The following TGM2 variants were observed in gnomAD, a reference collection of about 807,000 sequenced individuals.
TGM2 encodes protein-glutamine gamma-glutamyltransferase 2.
Under a neutral mutation model 75.6 loss-of-function variants are expected in TGM2, and 53 were observed. That is an observed-to-expected ratio of 0.70 (90% CI 0.56 to 0.88). TGM2 has a LOEUF of 0.88. Ranked by LOEUF, TGM2 falls within the 40% of genes least tolerant of loss-of-function variation. TGM2 has a pLI of 0.00. For synonymous variants in TGM2, 374 were observed against 381.1 expected, an observed-to-expected ratio of 0.98 and a Z score of 0.22; for missense variants, 842 against 928.5, an observed-to-expected ratio of 0.91 and a Z score of 1.21.
rs1386256065 is a variant in TGM2, at chr20:38,138,234, G to A, written c.1494C>T (p.Asn498=). 1 of 1,613,354 alleles carries A rather than the reference G, an allele frequency of 6.2e-7. No individual in the cohort carries two copies. Among genetic ancestry groups the A allele is most frequent in the Admixed American group, 1.7e-5 (1 of 59,878 alleles). ...GGCGGCAGACGTACTCCTCAGCGGT[G>A]TTGTTGGTGATGTGGGCAAAGACGT... The part of the protein sequence containing the change: ...DFDVFAHITN[N]TAEEYVCRLL... The change falls in exon 10 of 13, where the codon AAC becomes AAT. Residue 498 remains asparagine (N), a synonymous_variant. Transcript: ENST00000361475.
At position 38,139,672 on chromosome 20, in the gene TGM2, G is replaced by C. The variant is rs752852604; in HGVS notation, c.1100-18C>G. 5 of 1,613,912 alleles carry C rather than the reference G, an allele frequency of 3.1e-6. 1 individual carries two copies. In the South Asian group the frequency reaches 4.4e-5, roughly 14 times the overall value. ...GTACGTCCCTGGCAGAGGTAGAAAG[G>C]GGAAGGGATGGGCCTGGGTGAAGGT... On this transcript the variant is annotated intron_variant, in intron 8 of 12. Coordinates refer to ENST00000361475, the MANE Select transcript of TGM2 (RefSeq NM_004613.4).
chr20:38,133,020 C>T (rs957606392), intron 10 of TGM2: 7 of 362,394 alleles, frequency 1.9e-5, no homozygotes, highest in African/African-American at 1.1e-4. Flanking sequence ...AAGGCTTGTA[C>T]GTGTATTACC....
At chr20:38,152,579 C>G (rs765462839) in intron 3 of TGM2, among the ~76,000 whole-genome samples, 2 of 152,192 alleles carry the variant, frequency 1.3e-5, no homozygotes, top group Non-Finnish European at 2.9e-5. Context: ...GCTCAGGTCC[C>G]CATCTGGTAA....
chr20:38,157,511 C>T (rs1223131939), intron 2 of TGM2, among the ~76,000 whole-genome samples: 2 of 152,254 alleles, frequency 1.3e-5, no homozygotes, highest in Admixed American at 1.3e-4. Flanking sequence ...AGAAAACAGG[C>T]TTAGGCCACA....
At chr20:38,148,297 T>A (rs1052486617) in intron 4 of TGM2, among the ~76,000 whole-genome samples, 1 of 152,050 alleles carries the variant, frequency 6.6e-6, no homozygotes, top group Non-Finnish European at 1.5e-5. Context: ...GAGCCATGAG[T>A]GTGTGACGAA....
rs764031636 is a variant in TGM2 at position 38,130,224 on chromosome 20, C to G, written c.2059G>C (p.Ala687Pro). Residue 687 changes from alanine to proline, a missense_variant, in exon 13 of 13, where the codon GCC (alanine) becomes CCC (proline). Coordinates refer to ENST00000361475, the MANE Select transcript of TGM2 (RefSeq NM_004613.4). ...AGGCTGGGAGCAGGGGTCCCTTAGG[C>G]GGGGCCAATGATGACATTCCGGAAG... ...KGFRNVIIGP[A>P] The G allele has an allele frequency of 4.3e-6, 7 of 1,613,232 alleles. No homozygotes were observed. Among genetic ancestry groups the G allele is most frequent in the Non-Finnish European group, 5.1e-6 (6 of 1,179,844 alleles).
chr20:38,157,463 C>T (rs1271017942), intron 2 of TGM2, among the ~76,000 whole-genome samples: 1 of 152,218 alleles, frequency 6.6e-6, no homozygotes, highest in African/African-American at 2.4e-5. Flanking sequence ...ACCTGGGCCA[C>T]ATCACCAGGC....
chr20:38,156,656 T>C (rs974742801), intron 2 of TGM2, among the ~76,000 whole-genome samples: 33 of 152,328 alleles, frequency 2.2e-4, no homozygotes, highest in African/African-American at 7.2e-4. Context: ...TCAAGGTGTC[T>C]GTCTCCCCAG....
At position 38,128,006 on chromosome 20, in the gene TGM2, T is replaced by C. The variant is rs2074783755; in HGVS notation, c.*2213A>G. 1 of 152,186 alleles carries C rather than the reference T, an allele frequency of 6.6e-6. No homozygotes were observed. The highest frequency in any genetic ancestry group is 1.5e-5 in the Non-Finnish European group (1 of 68,038). The allele number at this position is 152,186 out of a possible 1,614,324, so 9.4% of individuals were successfully genotyped here. ...CAGATAGGATGGAGAAGGGGACAGA[T>C]AGGCCAACGTGGAAGTAAAATTTAC... On this transcript the variant is annotated 3_prime_UTR_variant, in exon 13 of 13. Transcript: ENST00000361475.
At chr20:38,138,412 A>G (rs777150832) in intron 9 of TGM2, 27 bp from the exon 10 acceptor site, 1 of 1,613,032 alleles carries the variant, frequency 6.2e-7, no homozygotes, top group Admixed American at 1.7e-5. Context: ...GAGAGCCTCA[A>G]TCACAGCTGG....
intron 6 of TGM2, among the ~76,000 whole-genome samples, chr20:38,144,069 G>T (rs776360225): frequency 1.3e-4 from 20 of 152,330 alleles, no homozygotes; most frequent in Non-Finnish European, 2.5e-4. Context: ...CATGCAGTGG[G>T]CCTGAGGACA....
intron 3 of TGM2, among the ~76,000 whole-genome samples, chr20:38,153,719 T>C (rs1461159825): frequency 6.6e-6 from 1 of 151,998 alleles, no homozygotes; most frequent in Non-Finnish European, 1.5e-5. Flanking sequence ...CAGACTGACC[T>C]AAGGAGGTGA....
intron 10 of TGM2, chr20:38,133,653 T>C (rs1202724487): frequency 2.6e-5 from 4 of 152,352 alleles, no homozygotes; most frequent in Admixed American, 6.5e-5. Flanking sequence ...TTGGGTGTAG[T>C]GGCTCGCGCC....
intron 2 of TGM2, among the ~76,000 whole-genome samples, 198 bp from the exon 3 acceptor site, chr20:38,156,287 G>T (rs772081219): frequency 3.3e-5 from 5 of 152,252 alleles, no homozygotes; most frequent in Non-Finnish European, 7.3e-5. Flanking sequence ...GCCTTTTAGG[G>T]TGGTTTTGTG....
chr20:38,139,326 C>T (rs1015312944), intron 9 of TGM2, 86 bp downstream of exon 9: 72 of 1,598,664 alleles, frequency 4.5e-5, no homozygotes, highest in Admixed American at 1.3e-4. Context: ...AATTAAAACA[C>T]ACGCACACAC....
rs889601275 is a variant in TGM2 at position 38,128,898 on chromosome 20, A to G, written c.*1321T>C. 1 of 152,466 alleles carries G rather than the reference A, an allele frequency of 6.6e-6. No homozygotes were observed. Among genetic ancestry groups the G allele is most frequent in the Non-Finnish European group, 1.5e-5 (1 of 68,136 alleles). 9.4% of individuals were successfully genotyped at this position (152,466 alleles called of 1,614,324 possible). A position where few individuals can be genotyped will look rare whatever the true frequency, so the allele number is the denominator to read the frequency against. On this transcript the variant is annotated 3_prime_UTR_variant, in exon 13 of 13. Transcript: ENST00000361475. Reference sequence around the variant, plus strand: ...GGGGTGCCAACCTTGTTGGTTAGTGACCAGCACTGGCAGCTAAGGCTGTTG... The same window carrying G: ...GGGGTGCCAACCTTGTTGGTTAGTGGCCAGCACTGGCAGCTAAGGCTGTTG...
At chr20:38,165,601 G>A (rs111400503), upstream of TGM2, among the ~76,000 whole-genome samples, 6 of 151,642 alleles carry the variant, frequency 4.0e-5, 2 homozygotes, top group African/African-American at 1.2e-4. Flanking sequence ...CAACGGAACC[G>A]GGGTGCACCT....
At chr20:38,145,662 G>A (rs2075034923) in intron 6 of TGM2, 1 of 151,856 alleles carries the variant, frequency 6.6e-6, no homozygotes, top group Admixed American at 6.6e-5. Flanking sequence ...TGGAACTGTG[G>A]TTCAGAGGAG....
intron 2 of TGM2, among the ~76,000 whole-genome samples, chr20:38,160,389 G>A (rs1447176602): frequency 6.6e-6 from 1 of 152,332 alleles, no homozygotes; most frequent in East Asian, 1.9e-4. Context: ...ATCTGGGGAT[G>A]AGACGCCTGG....
Sources: gnomAD v4.1 joint callset for allele counts (sites outside exome capture counted in the v4.1 genomes callset) on GRCh38, gnomAD v4.1.1 for gene constraint, MANE v1.5 for transcripts, NCBI Gene and HGNC (gene_info 2026-07-23, HGNC 2026-07-21) for gene names.